The following PPP1R12A variants were observed in gnomAD, a reference collection of about 807,000 sequenced individuals.
PPP1R12A encodes myosin binding subunit.
PPP1R12A carries 19 observed loss-of-function variants against 139.6 expected under a neutral mutation model. The observed-to-expected ratio is 0.14, with a 90% CI of 0.09 to 0.20. The LOEUF (loss-of-function observed/expected upper bound fraction) is 0.20. PPP1R12A is among the 10% of genes least tolerant of loss of function. PPP1R12A has a pLI of 1.00. For missense variants in PPP1R12A, 925 were observed against 1,211.5 expected (o/e 0.76, Z 3.51); for synonymous variants, 427 against 420.6 (o/e 1.02, Z -0.19).
At chr12:79,899,233 AATATATATATATATATATATATATATAT>A (rs58319454) in intron 1 of PPP1R12A, among the ~76,000 whole-genome samples, 112,436 of 142,032 alleles carry the variant, frequency 0.79, 45,705 homozygotes, top group Non-Finnish European at 0.89. Flanking sequence ...AGATCTTAAA[AATATATATATATATATATATATATATAT>A]ATATATATAT....
intron 9 of PPP1R12A, among the ~76,000 whole-genome samples, chr12:79,813,850 T>C (rs911654717): frequency 6.6e-6 from 1 of 152,212 alleles, no homozygotes; most frequent in Non-Finnish European, 1.5e-5. Context: ...TAAAACTGTT[T>C]CGTGTGCTTC....
intron 2 of PPP1R12A, among the ~76,000 whole-genome samples, chr12:79,865,599 C>T (rs906324974): frequency 7.2e-5 from 11 of 152,276 alleles, no homozygotes; most frequent in Non-Finnish European, 1.6e-4. Context: ...TCTCCTTAAA[C>T]TGATAAGCAA....
intron 23 of PPP1R12A, among the ~76,000 whole-genome samples, chr12:79,781,092 TACAA>T (rs762264583): frequency 2.0e-5 from 3 of 152,220 alleles, no homozygotes; most frequent in Non-Finnish European, 4.4e-5. Context: ...TCAGCTACAC[TACAA>T]ACAATCTTTG....
intron 9 of PPP1R12A, among the ~76,000 whole-genome samples, chr12:79,814,070 G>A (rs753778726): frequency 2.6e-5 from 4 of 152,134 alleles, no homozygotes; most frequent in Non-Finnish European, 4.4e-5. Context: ...GGTCACTAAA[G>A]TTACAGATAA....
chr12:79,790,574 T>A, intron 19 of PPP1R12A, 91 bp from the exon 20 acceptor site: 1 of 913,964 alleles, frequency 1.1e-6, no homozygotes, highest in East Asian at 2.8e-5. Context: ...TAATGTAGTA[T>A]CAATAGAAGC....
chr12:79,911,932 T>C (rs1405926800), intron 1 of PPP1R12A, among the ~76,000 whole-genome samples: 1 of 152,238 alleles, frequency 6.6e-6, no homozygotes, highest in Non-Finnish European at 1.5e-5. Context: ...TCTAGGGTTC[T>C]AGTGTGAAAA....
At chr12:79,811,733 CTTTTT>C (rs772786393) in intron 9 of PPP1R12A, among the ~76,000 whole-genome samples, 2 of 151,998 alleles carry the variant, frequency 1.3e-5, no homozygotes, top group Admixed American at 6.6e-5. Flanking sequence ...GGGACAATGA[CTTTTT>C]TTTATTTTTT....
At chr12:79,923,675 C>T (rs914503004) in intron 1 of PPP1R12A, among the ~76,000 whole-genome samples, 1 of 152,162 alleles carries the variant, frequency 6.6e-6, no homozygotes, top group African/African-American at 2.4e-5. Flanking sequence ...TATTCTTAAA[C>T]TTTTACAACT....
chr12:79,890,645 A>G (rs1286635042), intron 1 of PPP1R12A, among the ~76,000 whole-genome samples: 1 of 152,154 alleles, frequency 6.6e-6, no homozygotes. Context: ...ATGCTTTCTA[A>G]TTAAACAATG....
At chr12:79,932,023 G>A (rs1192794808) in intron 1 of PPP1R12A, among the ~76,000 whole-genome samples, 2 of 152,148 alleles carry the variant, frequency 1.3e-5, no homozygotes, top group African/African-American at 4.8e-5. Flanking sequence ...AAGCATATTT[G>A]TGGGTTGTGA....
chr12:79,901,042 C>T (rs928648285), intron 1 of PPP1R12A, among the ~76,000 whole-genome samples: 2 of 152,130 alleles, frequency 1.3e-5, no homozygotes, highest in South Asian at 4.1e-4. Flanking sequence ...CAAGAAACTT[C>T]TATTTTGGGT....
chr12:79,785,327 T>C (rs1327717290), intron 22 of PPP1R12A, among the ~76,000 whole-genome samples: 1 of 152,204 alleles, frequency 6.6e-6, no homozygotes, highest in Non-Finnish European at 1.5e-5. Flanking sequence ...TTTGGCATAG[T>C]AGCTACCGTG....
At chr12:79,862,128 C>A (rs1881407484) in intron 2 of PPP1R12A, among the ~76,000 whole-genome samples, 1 of 152,182 alleles carries the variant, frequency 6.6e-6, no homozygotes. Flanking sequence ...AAGGATCAGG[C>A]AGCAATATTT....
intron 6 of PPP1R12A, among the ~76,000 whole-genome samples, 175 bp downstream of exon 6, chr12:79,821,941 C>T (rs759563896): frequency 6.6e-6 from 1 of 152,014 alleles, no homozygotes; most frequent in African/African-American, 2.4e-5. Flanking sequence ...TGGGGATAAG[C>T]AACACAAAAG....
At chr12:79,899,831 T>C (rs189876905) in intron 1 of PPP1R12A, among the ~76,000 whole-genome samples, 1 of 152,282 alleles carries the variant, frequency 6.6e-6, no homozygotes, top group Admixed American at 6.5e-5. Context: ...TCACCAACAA[T>C]GAGAGTTCCA....
At position 79,778,593 on chromosome 12, in the gene PPP1R12A, C is replaced by G. The variant is rs1186113889; in HGVS notation, c.2963G>C (p.Arg988Thr). The G allele has an allele frequency of 7.9e-6, 12 of 1,527,896 alleles. No homozygotes were observed. Among genetic ancestry groups the G allele is most frequent in the Non-Finnish European group, 1.1e-5 (12 of 1,132,748 alleles). The allele number at this position is 1,527,896 out of a possible 1,614,324, so 94.6% of individuals were successfully genotyped here. A position where few individuals can be genotyped will look rare whatever the true frequency, so the allele number is the denominator to read the frequency against. The change falls in exon 24 of 25, where the codon AGA becomes ACA. Residue 988 changes from arginine to threonine, a missense_variant. By Grantham distance (71) the Arg-to-Thr change is moderately conservative. Transcript: ENST00000450142. ...SLLEMEKRER[R>T]ALERRISEME... is the part of the protein sequence containing the mutation. ...TTCAGATATTCTTCTTTCTAGAGCT[C>G]TTCGTTCCTAGATCGATTTAAGGTA...
intron 1 of PPP1R12A, among the ~76,000 whole-genome samples, chr12:79,877,480 G>A (rs1393836108): frequency 6.6e-6 from 1 of 152,138 alleles, no homozygotes; most frequent in Non-Finnish European, 1.5e-5. Context: ...ACTGTGACTT[G>A]CATAATCATT....
At chr12:79,879,194 A>G (rs1883393972) in intron 1 of PPP1R12A, among the ~76,000 whole-genome samples, 1 of 152,128 alleles carries the variant, frequency 6.6e-6, no homozygotes, top group Non-Finnish European at 1.5e-5. Flanking sequence ...AGCCTGGCCA[A>G]CACGGCAAAA....
chr12:79,790,655 G>A (rs769998742), intron 19 of PPP1R12A, among the ~76,000 whole-genome samples, 172 bp from the exon 20 acceptor site: 2 of 151,990 alleles, frequency 1.3e-5, no homozygotes, highest in African/African-American at 2.4e-5. Context: ...TTACTTTCTC[G>A]AAATCTAGCT....
Sources: allele counts gnomAD v4.1 joint callset (sites outside exome capture counted in the v4.1 genomes callset), GRCh38; gene constraint gnomAD v4.1.1; transcripts MANE v1.5; gene names NCBI Gene and HGNC (gene_info 2026-07-23, HGNC 2026-07-21).